SPTBN2: variants seen among roughly 807,000 people sequenced by gnomAD.
SPTBN2 encodes the protein spectrin beta, non-erythrocytic 2, also known as spectrin beta chain, non-erythrocytic 2.
Under a neutral mutation model 284.2 loss-of-function variants are expected in SPTBN2, and 107 were observed. The observed-to-expected ratio is 0.38, with a 90% CI of 0.32 to 0.44. SPTBN2 has a LOEUF of 0.44. Ranked by LOEUF, SPTBN2 falls within the 20% of genes least tolerant of loss-of-function variation. The probability of loss-of-function intolerance (pLI) is 1.00; values close to 1 mark genes in which losing one functional copy is unlikely to be tolerated. For synonymous variants in SPTBN2, 1,289 were observed against 1,354.8 expected (o/e 0.95, Z 1.07); for missense variants, 2,569 against 3,287.1 (o/e 0.78, Z 5.34).
chr11:66,704,203 A>G (rs531001599), intron 15 of SPTBN2, among the ~76,000 whole-genome samples: 1 of 151,688 alleles, frequency 6.6e-6, no homozygotes, highest in Admixed American at 6.6e-5. Context: ...CGACCTCCTG[A>G]CCTCGTGATC....
At chr11:66,698,960 A>G in intron 19 of SPTBN2, 32 bp downstream of exon 19, 1 of 1,611,800 alleles carries the variant, frequency 6.2e-7, no homozygotes, top group Non-Finnish European at 8.5e-7. Flanking sequence ...AGGGATGGCT[A>G]GGGAATATCC....
At chr11:66,702,937 CAA>C (rs1170116245) in intron 15 of SPTBN2, among the ~76,000 whole-genome samples, 6 of 42,628 alleles carry the variant, frequency 1.4e-4, no homozygotes, top group African/African-American at 5.8e-4. Context: ...GACTCCGTCT[CAA>C]AAAAAAAAAA....
chr11:66,696,182 G>A lies in SPTBN2; in HGVS notation c.4278+95C>T, dbSNP rs1940901941. On this transcript the variant is annotated intron_variant, in intron 21 of 37. Transcript: ENST00000533211. Reference sequence around the variant, plus strand: ...GACTCTGGGAAATGCTAGTGAAGGTGTTATCTGCCAGGCCTCAGCTGGCCT... The same window carrying A: ...GACTCTGGGAAATGCTAGTGAAGGTATTATCTGCCAGGCCTCAGCTGGCCT... The A allele has an allele frequency of 2.7e-6, 4 of 1,489,798 alleles. No individual in the cohort carries two copies. The Admixed American group carries it at 5.3e-5, about 20-fold the overall frequency. 92.3% of individuals were successfully genotyped at this position (1,489,798 alleles called of 1,614,324 possible). A position where few individuals can be genotyped will look rare whatever the true frequency, so the allele number is the denominator to read the frequency against.
rs78992347 is a variant in SPTBN2 at position 66,708,388 on chromosome 11, G to A, written c.1192-89C>T. 9,509 of 1,328,706 alleles carry A rather than the reference G, an allele frequency of 7.2e-3. 195 individuals are homozygous for A. In the East Asian group the frequency reaches 0.095, roughly 13 times the overall value. The allele number at this position is 1,328,706 out of a possible 1,614,324, so 82.3% of individuals were successfully genotyped here. A position where few individuals can be genotyped will look rare whatever the true frequency, so the allele number is the denominator to read the frequency against. On this transcript the variant is annotated intron_variant, in intron 11 of 37. Coordinates refer to ENST00000533211, the MANE Select transcript of SPTBN2 (RefSeq NM_006946.4). The surrounding 1 kb of genome is among the most constrained non-coding windows in gnomAD (Gnocchi z 4.4). ...CACATGGTAAGTCCCATGGAAGCTC[G>A]GTCTGGTGGATCCGTGGAATGCAGT... is the stretch of plus-strand genomic sequence containing the variant.
At chr11:66,735,970 T>C (rs1942849009) in intron 1 of SPTBN2, among the ~76,000 whole-genome samples, 1 of 152,194 alleles carries the variant, frequency 6.6e-6, no homozygotes, top group Non-Finnish European at 1.5e-5. Context: ...TAGGGGAGCC[T>C]GATAGCTTCC....
rs779861114 is a variant in SPTBN2 at position 66,699,532 on chromosome 11, A to G, written c.3650T>C (p.Phe1217Ser). The change falls in exon 18 of 38, where the codon TTC becomes TCC. Residue 1217 changes from phenylalanine to serine, a missense_variant. Phe to Ser is a radical substitution (Grantham distance 155). This residue lies in a region of SPTBN2 where 1,012 missense variants were observed against 1,248.9 expected (regional missense o/e 0.81). Transcript: ENST00000533211. ...ADAAIKKLED[F>S]MSTMDANGER... The stretch of plus-strand genomic sequence containing the variant: ...CCCATTGGCGTCCATGGTGCTCATG[A>G]AGTCCTCCAGTTTTTTAATGGCAGC... 1 of 1,614,122 alleles carries G rather than the reference A, an allele frequency of 6.2e-7. No homozygotes were observed. The highest frequency in any genetic ancestry group is 8.5e-7 in the Non-Finnish European group (1 of 1,180,020).
In SPTBN2 at chr11:66,692,996, G is replaced by A. The variant is rs572061488; in HGVS notation, c.4959C>T (p.Asp1653=). 1.9e-5 allele frequency: 30 copies of A among 1,608,960 alleles called. No homozygotes were observed. In the African/African-American group the frequency reaches 2.9e-4, roughly 16 times the overall value. ...TCTCTGGGTGCTCGTGGTCAATCATGTCCTGGCTGCTGGCCGCCAGCTGGT... is the reference window on the plus strand; with the variant it reads ...TCTCTGGGTGCTCGTGGTCAATCATATCCTGGCTGCTGGCCGCCAGCTGGT... ...TIHQLAASSQ[D]MIDHEHPEST... is the part of the protein sequence containing the mutation. The change falls in exon 25 of 38, where the codon GAC becomes GAT. Residue 1653 remains aspartate, a synonymous_variant. Coordinates refer to ENST00000533211, the MANE Select transcript of SPTBN2 (RefSeq NM_006946.4).
chr11:66,716,851 A>G (rs1942173914), intron 3 of SPTBN2, among the ~76,000 whole-genome samples: 1 of 152,230 alleles, frequency 6.6e-6, no homozygotes, highest in Non-Finnish European at 1.5e-5. Flanking sequence ...TTTTGGTTGC[A>G]GACAAAGGAG....
At chr11:66,721,567 A>G in intron 1 of SPTBN2, 127 bp from the exon 2 acceptor site, 2 of 415,882 alleles carry the variant, frequency 4.8e-6, no homozygotes, top group South Asian at 2.1e-5. Flanking sequence ...TGCGGGGTGA[A>G]GAAAGGGGTG....
intron 20 of SPTBN2, among the ~76,000 whole-genome samples, chr11:66,696,871 A>AT (rs1008261037): frequency 1.3e-5 from 2 of 152,110 alleles, no homozygotes; most frequent in African/African-American, 2.4e-5. Context: ...ATTTGCCATC[A>AT]TTTTGTATTT....
At chr11:66,736,849 C>T (rs1229376494) in intron 1 of SPTBN2, among the ~76,000 whole-genome samples, 1 of 152,212 alleles carries the variant, frequency 6.6e-6, no homozygotes, top group African/African-American at 2.4e-5. Flanking sequence ...TTTACTTGTG[C>T]TGTGGCGCAC....
upstream of SPTBN2, among the ~76,000 whole-genome samples, chr11:66,730,127 C>A (rs1257220779): frequency 6.6e-6 from 1 of 151,956 alleles, no homozygotes; most frequent in African/African-American, 2.4e-5. Context: ...TTTTTAATAG[C>A]CACTCTTTCA....
In SPTBN2 at chr11:66,688,683, C is replaced by T; in HGVS notation, c.6201G>A (p.Glu2067=). 2 of 1,614,024 alleles carry T rather than the reference C, an allele frequency of 1.2e-6. No individual in the cohort carries two copies. The highest frequency in any genetic ancestry group is 1.7e-6 in the Non-Finnish European group (2 of 1,180,028). The change falls in exon 31 of 38, where the codon GAG becomes GAA. Residue 2067 remains glutamate (E), a synonymous_variant. Coordinates refer to ENST00000533211, the MANE Select transcript of SPTBN2 (RefSeq NM_006946.4). The part of the protein sequence containing the change: ...AFQKSAVAWE[E]RFCALEKLTA... ...TAAGCTTCTCCAGCGCACAGAATCG[C>T]TCCTCCCAGGCCACTGCTGACTTCT...
At position 66,683,063 on chromosome 11, in the gene SPTBN2, A is replaced by ATTT. The variant is rs55950324; in HGVS notation, c.*2805_*2807dup. Among the ~76,000 whole-genome samples the ATTT allele has an allele frequency of 0.01, 972 of 95,608 alleles. 6 individuals are homozygous for ATTT. The highest frequency in any genetic ancestry group is 0.012 in the Non-Finnish European group (661 of 53,890). The allele number at this position is 95,608 out of a possible 152,430, so 62.7% of individuals were successfully genotyped here. On this transcript the variant is annotated 3_prime_UTR_variant, in exon 38 of 38. Coordinates refer to ENST00000533211, the MANE Select transcript of SPTBN2 (RefSeq NM_006946.4). ...ACCACCATGCCTGGCCAAGTAATCC[A>ATTT]TTTTTTTTTTTTTTTTTTTTTTGAG...
At position 66,708,030 on chromosome 11, in the gene SPTBN2, A is replaced by G. The variant is rs968104232; in HGVS notation, c.1350+111T>C. ...CCCGGACCTCTAGGCCTTTTTACCC[A>G]GGTGACGGATTTTGTGTTTCATTGT... On this transcript the variant is annotated intron_variant, in intron 12 of 37. Transcript: ENST00000533211. This position sits in a 1 kb window ranked among gnomAD's most constrained non-coding sequence, Gnocchi z 4.4. 6.4e-6 allele frequency: 10 copies of G among 1,554,386 alleles called. No homozygotes were observed. The highest frequency in any genetic ancestry group is 8.0e-6 in the Non-Finnish European group (9 of 1,131,722).
chr11:66,699,266 A>G (rs1941108678), intron 18 of SPTBN2, 140 bp downstream of exon 18: 1 of 1,280,866 alleles, frequency 7.8e-7, no homozygotes, highest in African/African-American at 1.5e-5. Flanking sequence ...GCCCTCTCCA[A>G]CCACTTAGTT....
chr11:66,703,577 A>T (rs765427467), intron 15 of SPTBN2, among the ~76,000 whole-genome samples: 1 of 151,968 alleles, frequency 6.6e-6, no homozygotes, highest in African/African-American at 2.4e-5. Context: ...CTAATAAAAA[A>T]ATACAAAAAA....
Position 66,698,912 on chromosome 11 carries a change from T to C in SPTBN2, c.3867+80A>G, listed in dbSNP as rs1341665710. The C allele has an allele frequency of 3.1e-6, 5 of 1,599,068 alleles. No homozygotes were observed. The African/African-American group carries it at 5.4e-5, about 17-fold the overall frequency. Reference sequence around the variant, plus strand: ...CCATGAAGGGGCTCACAGTCTCCGGTACCTTGTGCTGGACTTATTCTAGGC... The same window carrying C: ...CCATGAAGGGGCTCACAGTCTCCGGCACCTTGTGCTGGACTTATTCTAGGC... On this transcript the variant is annotated intron_variant, in intron 19 of 37. Coordinates refer to ENST00000533211, the MANE Select transcript of SPTBN2 (RefSeq NM_006946.4).
At position 66,687,051 on chromosome 11, in the gene SPTBN2, C is replaced by G; in HGVS notation, c.6839G>C (p.Arg2280Thr). The G allele has an allele frequency of 1.2e-6, 2 of 1,614,154 alleles. No homozygotes were observed. The highest frequency in any genetic ancestry group is 1.7e-6 in the Non-Finnish European group (2 of 1,180,042). Reference protein sequence around the residue: ...YHGEVPVSLARAQGSVAFDYR... With the variant: ...YHGEVPVSLATAQGSVAFDYR... ...ATCAAAGGCGACGCTGCCCTGGGCCCTGGCCAGGCTGACAGGCACTTCTCC... is the reference window on the plus strand; with the variant it reads ...ATCAAAGGCGACGCTGCCCTGGGCCGTGGCCAGGCTGACAGGCACTTCTCC... The change falls in exon 36 of 38, where the codon AGG becomes ACG. Residue 2280 changes from arginine to threonine, a missense_variant. By Grantham distance (71) the Arg-to-Thr change is moderately conservative (BLOSUM62 -1). Around this residue, in one of 6 missense-constraint regions of SPTBN2, gnomAD observed 1,130 missense variants for 1,317.3 expected, o/e 0.86. Coordinates refer to ENST00000533211, the MANE Select transcript of SPTBN2 (RefSeq NM_006946.4). The surrounding 1 kb of genome is among the most constrained non-coding windows in gnomAD (Gnocchi z 5.2).
Sources: allele counts gnomAD v4.1 joint callset (sites outside exome capture counted in the v4.1 genomes callset), GRCh38; gene constraint gnomAD v4.1.1; regional missense constraint gnomAD v4.1.1; non-coding constraint Gnocchi (gnomAD v3.1); transcripts MANE v1.5; gene names NCBI Gene and HGNC (gene_info 2026-07-23, HGNC 2026-07-21).